BMP5: variants seen among roughly 807,000 people sequenced by gnomAD.
The protein encoded by BMP5 is bone morphogenetic protein 5.
In BMP5, 23 loss-of-function variants were observed where a neutral mutation model predicts 46.6. That is an observed-to-expected ratio of 0.49 (90% CI 0.35 to 0.70). The LOEUF (loss-of-function observed/expected upper bound fraction) is 0.70, where lower values mean the gene tolerates loss of function less well. BMP5 is among the 30% of genes least tolerant of loss of function. The pLI is 0.00. For missense variants in BMP5, 545 were observed against 565.6 expected (o/e 0.96, Z 0.37); for synonymous variants, 204 against 191.9 (o/e 1.06, Z -0.52).
At chr6:55,781,976 C>A (rs891892987) in intron 3 of BMP5, among the ~76,000 whole-genome samples, 1 of 151,496 alleles carries the variant, frequency 6.6e-6, no homozygotes, top group Non-Finnish European at 1.5e-5. Context: ...CAGTCTAGTA[C>A]CAGCAAAATA....
intron 1 of BMP5, among the ~76,000 whole-genome samples, chr6:55,862,125 T>G (rs1307525046): frequency 6.6e-6 from 1 of 152,260 alleles, no homozygotes; most frequent in Non-Finnish European, 1.5e-5. Context: ...ACTTCTATTA[T>G]TTCACTTTTA....
At chr6:55,796,043 T>G (rs1188397417) in intron 2 of BMP5, among the ~76,000 whole-genome samples, 1 of 152,180 alleles carries the variant, frequency 6.6e-6, no homozygotes, top group East Asian at 1.9e-4. Context: ...GTCTTAAAGT[T>G]TTGAGATATT....
At position 55,874,935 on chromosome 6, in the gene BMP5, T is replaced by C. The variant is rs1777875604; in HGVS notation, c.-70A>G. ...TCTTAAAAAAAAAAAAAACCTAAGG[T>C]TCTAGGAGGTACAGTTTCCCAGTAG... is the stretch of plus-strand genomic sequence containing the variant. On this transcript the variant is annotated 5_prime_UTR_variant, in exon 1 of 7. Transcript: ENST00000370830. 4 of 1,507,232 alleles carry C rather than the reference T, an allele frequency of 2.7e-6. No individual in the cohort carries two copies. The East Asian group carries it at 9.0e-5, about 34-fold the overall frequency. 93.4% of individuals were successfully genotyped at this position (1,507,232 alleles called of 1,614,324 possible).
At chr6:55,863,781 T>A (rs1050569966) in intron 1 of BMP5, among the ~76,000 whole-genome samples, 6 of 152,190 alleles carry the variant, frequency 3.9e-5, no homozygotes, top group African/African-American at 1.4e-4. Context: ...TGTTTTCAGA[T>A]ATGTTTCAAT....
chr6:55,827,205 G>C (rs1776553640), intron 1 of BMP5, among the ~76,000 whole-genome samples: 1 of 151,694 alleles, frequency 6.6e-6, no homozygotes, highest in African/African-American at 2.4e-5. Context: ...TCAGTAAAAG[G>C]CTGTTAGAAA....
intron 1 of BMP5, among the ~76,000 whole-genome samples, chr6:55,848,580 T>C (rs1220517382): frequency 6.6e-6 from 1 of 151,906 alleles, no homozygotes; most frequent in Non-Finnish European, 1.5e-5. Flanking sequence ...GCCTAGCAAG[T>C]AGTTAGAGGT....
At position 55,874,909 on chromosome 6, in the gene BMP5, C is replaced by T. The variant is rs1470068649; in HGVS notation, c.-44G>A. 28 of 1,578,178 alleles carry T rather than the reference C, an allele frequency of 1.8e-5. No individual in the cohort carries two copies. Among genetic ancestry groups the T allele is most frequent in the Middle Eastern group, 1.7e-4 (1 of 5,844 alleles). ...GTTGATATTTTTAGTCCTTCTTGTC[C>T]TCTTAAAAAAAAAAAAAACCTAAGG... is the stretch of plus-strand genomic sequence containing the variant. On this transcript the variant is annotated 5_prime_UTR_variant, in exon 1 of 7. Transcript: ENST00000370830.
chr6:55,861,042 G>T (rs1374325964), intron 1 of BMP5, among the ~76,000 whole-genome samples: 1 of 152,170 alleles, frequency 6.6e-6, no homozygotes, highest in Non-Finnish European at 1.5e-5. Flanking sequence ...CAAATCAAAG[G>T]ATGTGTACTA....
In BMP5 at chr6:55,809,800, C is replaced by T. The variant is rs557264800; in HGVS notation, c.683+9855G>A. Among the ~76,000 whole-genome samples, 10 of 152,194 alleles carry T rather than the reference C, an allele frequency of 6.6e-5. No individual in the cohort carries two copies. In the South Asian group the frequency reaches 1.7e-3, roughly 25 times the overall value. ...GCTTTAAGAAATTATCTAGAAGCTA[C>T]ACAGACAAATTTTAGAGGAAAGGAT... On this transcript the variant is annotated intron_variant, in intron 2 of 6. Transcript: ENST00000370830.
chr6:55,837,299 G>T (rs546282920), intron 1 of BMP5, among the ~76,000 whole-genome samples: 2 of 151,208 alleles, frequency 1.3e-5, no homozygotes, highest in South Asian at 4.2e-4. Flanking sequence ...AACAGTGAAA[G>T]AAAAAAATGA....
chr6:55,872,219 A>G (rs980526778), intron 1 of BMP5, among the ~76,000 whole-genome samples: 2 of 151,738 alleles, frequency 1.3e-5, no homozygotes, highest in Non-Finnish European at 3.0e-5. Flanking sequence ...CTTAAAGTCT[A>G]CCAAGAAAAA....
chr6:55,766,576 A>G (rs1774921926), intron 4 of BMP5, among the ~76,000 whole-genome samples: 1 of 151,992 alleles, frequency 6.6e-6, no homozygotes, highest in Admixed American at 6.6e-5. Context: ...CTAGACCCTA[A>G]TCATTATTTG....
At chr6:55,873,345 A>G (rs377177344) in intron 1 of BMP5, among the ~76,000 whole-genome samples, 2 of 152,056 alleles carry the variant, frequency 1.3e-5, no homozygotes, top group African/African-American at 4.8e-5. Context: ...AAAGTTCTCA[A>G]TTCTTCCCAG....
At chr6:55,806,610 C>G (rs555160912) in intron 2 of BMP5, among the ~76,000 whole-genome samples, 3 of 151,946 alleles carry the variant, frequency 2.0e-5, no homozygotes, top group African/African-American at 7.2e-5. Context: ...GTGGGGAATG[C>G]CAATGGTAGT....
chr6:55,757,858 T>C (rs1242576574), intron 6 of BMP5, among the ~76,000 whole-genome samples: 2 of 151,998 alleles, frequency 1.3e-5, no homozygotes, highest in East Asian at 1.9e-4. Flanking sequence ...CTTTTTGGTG[T>C]CTAGATATTC....
intron 2 of BMP5, among the ~76,000 whole-genome samples, chr6:55,795,820 G>A (rs1355286462): frequency 1.3e-5 from 2 of 152,068 alleles, no homozygotes; most frequent in Non-Finnish European, 1.5e-5. Flanking sequence ...GGATTGAAAC[G>A]CTTGCTTTTT....
intron 3 of BMP5, among the ~76,000 whole-genome samples, chr6:55,781,286 T>A (rs772690226): frequency 6.6e-6 from 1 of 152,134 alleles, no homozygotes; most frequent in Admixed American, 6.6e-5. Flanking sequence ...ATTATGTGAC[T>A]TTTTAAAATA....
intron 1 of BMP5, among the ~76,000 whole-genome samples, chr6:55,842,657 A>G (rs1014680086): frequency 1.3e-5 from 2 of 151,656 alleles, no homozygotes; most frequent in Non-Finnish European, 2.9e-5. Flanking sequence ...AAATGCCCCG[A>G]CACAAAAAAC....
At chr6:55,868,519 T>G (rs926207463) in intron 1 of BMP5, among the ~76,000 whole-genome samples, 2 of 152,174 alleles carry the variant, frequency 1.3e-5, no homozygotes, top group African/African-American at 2.4e-5. Context: ...TTTGTTTGTT[T>G]TTGTTGTTTT....
Sources: gnomAD v4.1 joint callset for allele counts (sites outside exome capture counted in the v4.1 genomes callset) on GRCh38, gnomAD v4.1.1 for gene constraint, MANE v1.5 for transcripts, NCBI Gene and HGNC (gene_info 2026-07-23, HGNC 2026-07-21) for gene names.